UBR1: variants seen among roughly 807,000 people sequenced by gnomAD.
The protein encoded by UBR1 is ubiquitin protein ligase E3 component n-recognin 1, also known as E3 ubiquitin-protein ligase UBR1.
Under a neutral mutation model 242.1 loss-of-function variants are expected in UBR1, and 102 were observed. The observed-to-expected ratio is 0.42, with a 90% confidence interval of 0.36 to 0.50. UBR1 has a LOEUF of 0.50. UBR1 is among the 20% of genes least tolerant of loss of function. UBR1 has a pLI of 0.01. For missense variants in UBR1, 1,772 were observed against 2,101.8 expected, an observed-to-expected ratio of 0.84 and a Z score of 3.07; for synonymous variants, 675 against 684.8, an observed-to-expected ratio of 0.99 and a Z score of 0.22.
chr15:43,023,290 T>C (rs1029520825), intron 25 of UBR1, among the ~76,000 whole-genome samples: 9 of 152,012 alleles, frequency 5.9e-5, no homozygotes, highest in African/African-American at 2.2e-4. Context: ...TGAATACACA[T>C]ATGAAAAATG....
intron 12 of UBR1, among the ~76,000 whole-genome samples, chr15:43,048,801 A>C (rs180916973): frequency 2.0e-4 from 30 of 152,338 alleles, no homozygotes; most frequent in African/African-American, 7.0e-4. Flanking sequence ...GGACAACCAC[A>C]GTACAGATTC....
chr15:43,064,475 C>G (rs1398240008), intron 6 of UBR1, among the ~76,000 whole-genome samples: 1 of 152,006 alleles, frequency 6.6e-6, no homozygotes, highest in African/African-American at 2.4e-5. Flanking sequence ...GAGAAACAAA[C>G]TTTCTAAGTG....
intron 39 of UBR1, among the ~76,000 whole-genome samples, chr15:42,975,221 A>C (rs2032269959): frequency 6.6e-6 from 1 of 152,210 alleles, no homozygotes; most frequent in African/African-American, 2.4e-5. Flanking sequence ...AAAACACATA[A>C]GCAAAAATGT....
rs780543525 is a variant in UBR1 at position 43,021,325 on chromosome 15, C to T, written c.2890G>A (p.Gly964Arg). ...TTCTGGCCTTCTAACTGGGGAATTCCTTTGAGTTTTTCCAAAAGCATTTGT... is the reference window on the plus strand; with the variant it reads ...TTCTGGCCTTCTAACTGGGGAATTCTTTTGAGTTTTTCCAAAAGCATTTGT... ...NIQMLLEKLK[G>R]IPQLEGQKDM... The change falls in exon 27 of 47, where the codon GGA becomes AGA. Residue 964 changes from glycine (G) to arginine (R), a missense_variant. Coordinates refer to ENST00000290650, the MANE Select transcript of UBR1 (RefSeq NM_174916.3). 18 of 1,613,718 alleles carry T rather than the reference C, an allele frequency of 1.1e-5. No individual in the cohort carries two copies. Among genetic ancestry groups the T allele is most frequent in the Non-Finnish European group, 1.5e-5 (18 of 1,179,808 alleles).
rs189737033 is a variant in UBR1, at chr15:43,050,646, C to G, written c.1440-2155G>C. On this transcript the variant is annotated intron_variant, in intron 12 of 46. Coordinates refer to ENST00000290650, the MANE Select transcript of UBR1 (RefSeq NM_174916.3). ...GGCTGAGGCAGGAGAATCACTTGAA[C>G]CCAGGAGACTGAGGTTGCAGTGAGC... Among the ~76,000 whole-genome samples, 134 of 151,604 alleles carry G rather than the reference C, an allele frequency of 8.8e-4. 1 individual carries two copies. The highest frequency in any genetic ancestry group is 3.1e-3 in the African/African-American group (130 of 41,310).
intron 33 of UBR1, among the ~76,000 whole-genome samples, chr15:42,996,544 C>G (rs2032641925): frequency 1.3e-5 from 2 of 152,112 alleles, no homozygotes; most frequent in Non-Finnish European, 2.9e-5. Context: ...CTGCAGTGAG[C>G]TGTACTCCAG....
intron 42 of UBR1, among the ~76,000 whole-genome samples, 164 bp from the exon 43 acceptor site, chr15:42,960,865 G>A (rs2032004964): frequency 6.6e-6 from 1 of 151,884 alleles, no homozygotes; most frequent in Non-Finnish European, 1.5e-5. Context: ...TGCCTCCTAG[G>A]TTCAAGCAAT....
chr15:42,965,765 C>T (rs924765034), intron 41 of UBR1, among the ~76,000 whole-genome samples: 1 of 152,158 alleles, frequency 6.6e-6, no homozygotes, highest in African/African-American at 2.4e-5. Context: ...CCACACCCGG[C>T]CTACATGTCC....
intron 46 of UBR1, among the ~76,000 whole-genome samples, chr15:42,948,783 G>C (rs1300042293): frequency 6.6e-6 from 1 of 151,844 alleles, no homozygotes; most frequent in Non-Finnish European, 1.5e-5. Flanking sequence ...CAGGAAACAG[G>C]TGCTGGAGAG....
At chr15:42,972,201 CT>C (rs1338180909) in intron 39 of UBR1, among the ~76,000 whole-genome samples, 1 of 151,506 alleles carries the variant, frequency 6.6e-6, no homozygotes, top group Non-Finnish European at 1.5e-5. Context: ...ACCCTTACCC[CT>C]GGCAATCACT....
intron 32 of UBR1, among the ~76,000 whole-genome samples, 182 bp from the exon 33 acceptor site, chr15:42,998,447 T>C (rs1359410548): frequency 6.6e-6 from 1 of 152,204 alleles, no homozygotes; most frequent in African/African-American, 2.4e-5. Context: ...AAGGAAATTT[T>C]AAACTTACAA....
At position 43,060,127 on chromosome 15, in the gene UBR1, A is replaced by G; in HGVS notation, c.799-13T>C. ...CAGCCCGACGACCCTAATTATAGACAAAAGTGAGAATTAGGTAGTGAAATG... is the reference window on the plus strand; with the variant it reads ...CAGCCCGACGACCCTAATTATAGACGAAAGTGAGAATTAGGTAGTGAAATG... On this transcript the variant is annotated splice_polypyrimidine_tract_variant and intron_variant, in intron 6 of 46. Coordinates refer to ENST00000290650, the MANE Select transcript of UBR1 (RefSeq NM_174916.3). The G allele has an allele frequency of 6.2e-7, 1 of 1,613,190 alleles. No individual in the cohort carries two copies. The highest frequency in any genetic ancestry group is 1.1e-5 in the South Asian group (1 of 91,056).
At chr15:43,103,264 G>A (rs145758791) in intron 1 of UBR1, among the ~76,000 whole-genome samples, 201 of 152,300 alleles carry the variant, frequency 1.3e-3, no homozygotes, top group African/African-American at 4.7e-3. Flanking sequence ...TACTCAGGAG[G>A]TTGAGGTGGG....
At chr15:43,052,200 A>T (rs1194834329) in intron 12 of UBR1, among the ~76,000 whole-genome samples, 1 of 152,144 alleles carries the variant, frequency 6.6e-6, no homozygotes, top group African/African-American at 2.4e-5. Flanking sequence ...TTCAGTAGAG[A>T]AGGACAATGA....
chr15:43,085,996 G>A lies in UBR1; in HGVS notation c.326C>T (p.Thr109Ile). The change falls in exon 2 of 47, where the codon ACC becomes ATC. Residue 109 changes from threonine (T) to isoleucine (I), a missense_variant. Coordinates refer to ENST00000290650, the MANE Select transcript of UBR1 (RefSeq NM_174916.3). Reference sequence around the variant, plus strand: ...TTCTAATTCTTACCTGCAAGAATAGGTTGTCTCTCCACTTTTGAAAACCCT... The same window carrying A: ...TTCTAATTCTTACCTGCAAGAATAGATTGTCTCTCCACTTTTGAAAACCCT... Reference protein sequence around the residue: ...CGRVFKSGETTYSCRDCAIDP... With the variant: ...CGRVFKSGETIYSCRDCAIDP... The A allele has an allele frequency of 6.2e-7, 1 of 1,613,654 alleles. No homozygotes were observed. The highest frequency in any genetic ancestry group is 1.7e-5 in the Admixed American group (1 of 59,962).
chr15:42,977,601 A>AATATGAAT (rs1844549272), intron 38 of UBR1, among the ~76,000 whole-genome samples: 1 of 152,108 alleles, frequency 6.6e-6, no homozygotes, highest in Admixed American at 6.5e-5. Context: ...AGAGGAGCAT[A>AATATGAAT]ATATGAATTA....
intron 45 of UBR1, among the ~76,000 whole-genome samples, chr15:42,951,502 C>T (rs1006076676): frequency 6.6e-6 from 1 of 152,110 alleles, no homozygotes; most frequent in Non-Finnish European, 1.5e-5. Flanking sequence ...GGATTAAAGG[C>T]GAGAGCCACC....
At chr15:43,027,591 C>T (rs986226100) in intron 22 of UBR1, among the ~76,000 whole-genome samples, 185 bp downstream of exon 22, 1 of 152,078 alleles carries the variant, frequency 6.6e-6, no homozygotes, top group Admixed American at 6.6e-5. Context: ...CAAAAACACT[C>T]ATTTTTTCAA....
chr15:43,014,953 T>C lies in UBR1; in HGVS notation c.3209+735A>G, dbSNP rs1457869426. ...GTGGGTCAGCCCCCGCCCGGCCAGCTGCCCTGTCAGGGAGGGAGGTGGGGG... is the reference window on the plus strand; with the variant it reads ...GTGGGTCAGCCCCCGCCCGGCCAGCCGCCCTGTCAGGGAGGGAGGTGGGGG... On this transcript the variant is annotated intron_variant, in intron 29 of 46. Coordinates refer to ENST00000290650, the MANE Select transcript of UBR1 (RefSeq NM_174916.3). Among the ~76,000 whole-genome samples the C allele has an allele frequency of 6.9e-4, 93 of 134,402 alleles. 2 individuals carry two copies. Among genetic ancestry groups the C allele is most frequent in the African/African-American group, 2.5e-3 (87 of 35,478 alleles). The allele number at this position is 134,402 out of a possible 152,430, so 88.2% of individuals were successfully genotyped here.
Sources: gnomAD v4.1 joint callset for allele counts (sites outside exome capture counted in the v4.1 genomes callset) on GRCh38, gnomAD v4.1.1 for gene constraint, MANE v1.5 for transcripts, NCBI Gene and HGNC (gene_info 2026-07-23, HGNC 2026-07-21) for gene names.